Variants in LOXL2 observed in about 807,000 individuals in gnomAD.
LOXL2 encodes the protein lysyl oxidase like 2, also known as lysyl oxidase homolog 2.
LOXL2 carries 70 observed loss-of-function variants against 93.0 expected under a neutral mutation model. The observed-to-expected ratio is 0.75, with a 90% CI of 0.62 to 0.92. The LOEUF is 0.92. Among genes scored for constraint, LOXL2 ranks in the 40% least tolerant of loss-of-function variants. The pLI, the probability that LOXL2 is intolerant of heterozygous loss-of-function variation, is 0.00. For missense variants in LOXL2, 973 were observed against 1,054.9 expected, an observed-to-expected ratio of 0.92 and a Z score of 1.08; for synonymous variants, 438 against 413.2, an observed-to-expected ratio of 1.06 and a Z score of -0.73.
At chr8:23,367,319 G>A (rs537883726) in intron 2 of LOXL2, among the ~76,000 whole-genome samples, 1 of 152,270 alleles carries the variant, frequency 6.6e-6, no homozygotes, top group South Asian at 2.1e-4. Flanking sequence ...AAAGTGCTGG[G>A]ATTACAGGTA....
chr8:23,377,387 G>A lies in LOXL2; in HGVS notation c.-83-8953C>T, dbSNP rs1193811616. Among the ~76,000 whole-genome samples the A allele has an allele frequency of 5.9e-5, 9 of 151,848 alleles. No individual in the cohort carries two copies. The East Asian group carries it at 9.7e-4, about 16-fold the overall frequency. On this transcript the variant is annotated intron_variant, in intron 1 of 13. Coordinates refer to ENST00000389131, the MANE Select transcript of LOXL2 (RefSeq NM_002318.3). ...ATGTGGTCAATTTTGGAATAAGTGCGATGTGGTGCTGAGAAGAATGTATAT... is the reference window on the plus strand; with the variant it reads ...ATGTGGTCAATTTTGGAATAAGTGCAATGTGGTGCTGAGAAGAATGTATAT...
rs181191977 is a variant in LOXL2, at chr8:23,350,600, T to A, written c.532-9397A>T. Among the ~76,000 whole-genome samples the A allele has an allele frequency of 5.2e-3, 791 of 152,296 alleles. 8 individuals carry two copies. Among genetic ancestry groups the A allele is most frequent in the African/African-American group, 0.018 (757 of 41,556 alleles). On this transcript the variant is annotated intron_variant, in intron 3 of 13. Transcript: ENST00000389131. ...AAAAATAAGCTGCTGGTAACATTCT[T>A]TAGCCTGTGACTTCTTGATGGAAGA...
intron 4 of LOXL2, among the ~76,000 whole-genome samples, chr8:23,335,140 C>T (rs1230540672): frequency 6.6e-6 from 1 of 152,146 alleles, no homozygotes; most frequent in Non-Finnish European, 1.5e-5. Context: ...GAGGTAGTAT[C>T]CAAATTTATG....
At chr8:23,321,965 G>C (rs1191941594) in intron 7 of LOXL2, 165 bp downstream of exon 7, 9 of 750,752 alleles carry the variant, frequency 1.2e-5, no homozygotes, top group African/African-American at 1.7e-5. Flanking sequence ...GCCAGGGCCA[G>C]GCCCGAGGTT....
chr8:23,366,298 T>C (rs981147852), intron 2 of LOXL2, among the ~76,000 whole-genome samples: 1 of 152,256 alleles, frequency 6.6e-6, no homozygotes, highest in African/African-American at 2.4e-5. Context: ...GCCCAGCATT[T>C]GCTAACTTCA....
chr8:23,316,534 C>T (rs530169179), intron 9 of LOXL2, among the ~76,000 whole-genome samples: 11 of 152,236 alleles, frequency 7.2e-5, no homozygotes, highest in Admixed American at 2.0e-4. Context: ...AGCGAACTAC[C>T]GGGCAGCTAA....
intron 3 of LOXL2, among the ~76,000 whole-genome samples, chr8:23,349,001 A>C (rs1804043844): frequency 7.5e-6 from 1 of 133,002 alleles, no homozygotes; most frequent in African/African-American, 3.6e-5. Context: ...AGATGCCCTC[A>C]ACTCTTCCTC....
intron 3 of LOXL2, among the ~76,000 whole-genome samples, chr8:23,353,942 T>C (rs905819807): frequency 2.0e-5 from 3 of 152,118 alleles, no homozygotes; most frequent in African/African-American, 7.2e-5. Context: ...GGGTCACTTA[T>C]ATGAAGAAGG....
At chr8:23,314,602 A>G (rs1347786901) in intron 9 of LOXL2, among the ~76,000 whole-genome samples, 1 of 150,826 alleles carries the variant, frequency 6.6e-6, no homozygotes, top group South Asian at 2.1e-4. Context: ...ATGAGAACAC[A>G]CGGACACAGG....
intron 1 of LOXL2, among the ~76,000 whole-genome samples, chr8:23,386,798 G>A (rs1403432719): frequency 6.6e-6 from 1 of 152,118 alleles, no homozygotes; most frequent in Non-Finnish European, 1.5e-5. Flanking sequence ...TGCCAACTGG[G>A]TCAGCAGAAC....
intron 1 of LOXL2, among the ~76,000 whole-genome samples, chr8:23,388,432 T>C (rs1320004407): frequency 6.6e-6 from 1 of 151,798 alleles, no homozygotes; most frequent in African/African-American, 2.4e-5. Context: ...TTTTTTTTTT[T>C]AATTGGCTGG....
intron 1 of LOXL2, chr8:23,385,907 A>T (rs1332711924): frequency 1.3e-6 from 1 of 764,688 alleles, no homozygotes. Flanking sequence ...TCCAGCACGT[A>T]CTTTGCGTTT....
intron 1 of LOXL2, among the ~76,000 whole-genome samples, chr8:23,375,558 T>C (rs1441914078): frequency 6.6e-6 from 1 of 152,252 alleles, no homozygotes; most frequent in Non-Finnish European, 1.5e-5. Context: ...TTTCACGTTA[T>C]TGATTCTTCC....
At chr8:23,381,054 C>T (rs768865028) in intron 1 of LOXL2, among the ~76,000 whole-genome samples, 16 of 148,714 alleles carry the variant, frequency 1.1e-4, no homozygotes, top group Admixed American at 8.7e-4. Context: ...CACTGGGGGG[C>T]GGGTAACCAT....
chr8:23,368,043 C>G lies in LOXL2; in HGVS notation c.309G>C (p.Val103=). Reference sequence around the variant, plus strand: ...AGCTGGCAGTCCAGGACTTGGCCTCCACGTAGCCCAGCTCCCGGCAGACGA... The same window carrying G: ...AGCTGGCAGTCCAGGACTTGGCCTCGACGTAGCCCAGCTCCCGGCAGACGA... The part of the protein sequence containing the change: ...AHVVCRELGY[V]EAKSWTASSS... The change falls in exon 2 of 14, where the codon GTG becomes GTC. Residue 103 remains valine (V), a synonymous_variant. Coordinates refer to ENST00000389131, the MANE Select transcript of LOXL2 (RefSeq NM_002318.3). 6.2e-7 allele frequency: 1 copy of G among 1,613,930 alleles called. No individual in the cohort carries two copies. The highest frequency in any genetic ancestry group is 8.5e-7 in the Non-Finnish European group (1 of 1,180,044).
chr8:23,364,176 CT>C (rs11461397), intron 2 of LOXL2: 4 of 152,058 alleles, frequency 2.6e-5, no homozygotes, highest in Admixed American at 6.6e-5. Context: ...GCAAAGGGCC[CT>C]TTTTTTTCCC....
At chr8:23,390,784 C>A (rs1446751986) in intron 1 of LOXL2, among the ~76,000 whole-genome samples, 1 of 152,166 alleles carries the variant, frequency 6.6e-6, no homozygotes, top group Non-Finnish European at 1.5e-5. Context: ...TGCTTAAAGG[C>A]AATTCAGAAA....
At chr8:23,327,576 A>C (rs1267411100) in intron 6 of LOXL2, among the ~76,000 whole-genome samples, 2 of 152,070 alleles carry the variant, frequency 1.3e-5, no homozygotes, top group African/African-American at 4.8e-5. Flanking sequence ...AAAAGATTCC[A>C]GGAAATGACC....
chr8:23,341,330 C>A (rs1332303660), intron 3 of LOXL2, 127 bp from the exon 4 acceptor site: 11 of 763,404 alleles, frequency 1.4e-5, no homozygotes, highest in Non-Finnish European at 2.5e-5. Flanking sequence ...GCCCTCAGGC[C>A]CTGCAGTGAG....
Sources: allele counts gnomAD v4.1 joint callset (sites outside exome capture counted in the v4.1 genomes callset), GRCh38; gene constraint gnomAD v4.1.1; transcripts MANE v1.5; gene names NCBI Gene and HGNC (gene_info 2026-07-23, HGNC 2026-07-21).